The following FNBP1L variants were observed in gnomAD, a reference collection of about 807,000 sequenced individuals.
The protein encoded by FNBP1L is formin binding protein 1 like.
Under a neutral mutation model 91.2 loss-of-function variants are expected in FNBP1L, and 36 were observed. The observed-to-expected ratio is 0.39, with a 90% CI of 0.30 to 0.52. The LOEUF (loss-of-function observed/expected upper bound fraction) is 0.52. Among genes scored for constraint, FNBP1L ranks in the 20% least tolerant of loss-of-function variants. The probability of loss-of-function intolerance (pLI) is 0.66; values close to 1 mark genes in which losing one functional copy is unlikely to be tolerated. For synonymous variants in FNBP1L, 242 were observed against 237.0 expected (o/e 1.02, Z -0.19); for missense variants, 571 against 732.1 (o/e 0.78, Z 2.54).
At chr1:93,507,101 ACACACACTCTCTCT>A (rs1407003078) in intron 2 of FNBP1L, among the ~76,000 whole-genome samples, 203 of 56,538 alleles carry the variant, frequency 3.6e-3, no homozygotes, top group Admixed American at 0.016. Flanking sequence ...ACACACACAC[ACACACACTCTCTCT>A]CTCTCTCTCT....
chr1:93,550,292 TG>T (rs1330802824), intron 15 of FNBP1L, among the ~76,000 whole-genome samples: 1 of 152,184 alleles, frequency 6.6e-6, no homozygotes, highest in African/African-American at 2.4e-5. Flanking sequence ...GAATCCAACC[TG>T]GGCAGTAAGA....
Position 93,544,221 on chromosome 1 carries a change from T to C in FNBP1L, c.1274+5T>C. The C allele has an allele frequency of 1.9e-6, 3 of 1,590,474 alleles. No individual in the cohort carries two copies. Among genetic ancestry groups the C allele is most frequent in the Non-Finnish European group, 1.7e-6 (2 of 1,162,562 alleles). On this transcript the variant is annotated splice_donor_5th_base_variant and intron_variant, in intron 12 of 16. Coordinates refer to ENST00000271234, the MANE Select transcript of FNBP1L (RefSeq NM_001164473.3). ...ACAGAAAGAATCAGACCAAAAGTAT[T>C]ATTCCTTTAAGTTTTCTCTATCATT...
chr1:93,523,868 T>G (rs1490135211), intron 4 of FNBP1L, among the ~76,000 whole-genome samples: 1 of 152,218 alleles, frequency 6.6e-6, no homozygotes, highest in Non-Finnish European at 1.5e-5. Flanking sequence ...TTCATTGACT[T>G]TTATATTGCC....
At chr1:93,480,096 C>T (rs1444721061) in intron 1 of FNBP1L, among the ~76,000 whole-genome samples, 3 of 152,168 alleles carry the variant, frequency 2.0e-5, no homozygotes, top group African/African-American at 7.2e-5. Context: ...AATTTATGTT[C>T]CTCTGCCGCG....
intron 2 of FNBP1L, among the ~76,000 whole-genome samples, chr1:93,521,731 G>A (rs772752572): frequency 2.0e-5 from 3 of 152,050 alleles, no homozygotes; most frequent in Non-Finnish European, 2.9e-5. Flanking sequence ...TTGACCCGTC[G>A]TTGAATCTGT....
chr1:93,519,049 T>C (rs1242777166), intron 2 of FNBP1L, among the ~76,000 whole-genome samples: 1 of 152,208 alleles, frequency 6.6e-6, no homozygotes, highest in East Asian at 1.9e-4. Context: ...TTTCTGTCAG[T>C]CTAGTATCTG....
intron 9 of FNBP1L, 105 bp from the exon 10 acceptor site, chr1:93,536,227 T>C: frequency 1.4e-6 from 1 of 739,700 alleles, no homozygotes; most frequent in Non-Finnish European, 1.9e-6. Context: ...AAAACTTTAT[T>C]TGAGATATAT....
At chr1:93,508,685 T>C (rs1049359955) in intron 2 of FNBP1L, among the ~76,000 whole-genome samples, 1 of 152,222 alleles carries the variant, frequency 6.6e-6, no homozygotes, top group Non-Finnish European at 1.5e-5. Context: ...TCCCAGAAGC[T>C]AGAGTTCAAA....
intron 1 of FNBP1L, among the ~76,000 whole-genome samples, chr1:93,455,201 T>G (rs777682044): frequency 3.3e-5 from 5 of 152,204 alleles, no homozygotes; most frequent in Non-Finnish European, 5.9e-5. Context: ...GTGCTGGGAT[T>G]AGCGGCGTGA....
intron 1 of FNBP1L, among the ~76,000 whole-genome samples, chr1:93,460,324 G>A (rs1238178839): frequency 6.6e-6 from 1 of 152,192 alleles, no homozygotes; most frequent in African/African-American, 2.4e-5. Context: ...GCAGAGAGCA[G>A]CCTTCACCAG....
intron 1 of FNBP1L, among the ~76,000 whole-genome samples, chr1:93,455,669 G>GT (rs1668637748): frequency 6.6e-6 from 1 of 152,154 alleles, no homozygotes; most frequent in South Asian, 2.1e-4. Context: ...TTAATTCCTA[G>GT]TTTCATGAGC....
chr1:93,476,836 G>A (rs1669514250), intron 1 of FNBP1L, among the ~76,000 whole-genome samples: 2 of 152,154 alleles, frequency 1.3e-5, no homozygotes, highest in African/African-American at 4.8e-5. Flanking sequence ...AGAGAAAGAT[G>A]TGTTACTGAA....
Position 93,530,705 on chromosome 1 carries a change from A to T in FNBP1L, c.511-50A>T, listed in dbSNP as rs142044956. 336 of 1,558,906 alleles carry T rather than the reference A, an allele frequency of 2.2e-4. 1 individual carries two copies. In the African/African-American group the frequency reaches 3.9e-3, roughly 18 times the overall value. On this transcript the variant is annotated intron_variant, in intron 6 of 16. Coordinates refer to ENST00000271234, the MANE Select transcript of FNBP1L (RefSeq NM_001164473.3). ...TTTTAGTATAATTTTCAAAAAAGTG[A>T]ATTGCTGTGATTTTGTTGTTGATAA... is the stretch of plus-strand genomic sequence containing the variant.
At chr1:93,471,160 G>C (rs1442895673) in intron 1 of FNBP1L, among the ~76,000 whole-genome samples, 2 of 151,906 alleles carry the variant, frequency 1.3e-5, no homozygotes, top group Non-Finnish European at 2.9e-5. Flanking sequence ...GATTATTTTT[G>C]GATTTTTTGG....
chr1:93,488,174 C>A (rs1483242875), intron 1 of FNBP1L, among the ~76,000 whole-genome samples: 1 of 152,158 alleles, frequency 6.6e-6, no homozygotes, highest in Non-Finnish European at 1.5e-5. Flanking sequence ...CACTACCCTG[C>A]TGCTTTTACT....
intron 1 of FNBP1L, among the ~76,000 whole-genome samples, chr1:93,496,407 TATTA>T (rs934688444): frequency 2.6e-5 from 4 of 151,800 alleles, no homozygotes; most frequent in Admixed American, 2.0e-4. Context: ...ATTTATTTAT[TATTA>T]ATATTTATTT....
chr1:93,539,051 T>TA (rs1306630873), intron 10 of FNBP1L, among the ~76,000 whole-genome samples: 17 of 152,042 alleles, frequency 1.1e-4, no homozygotes, highest in Non-Finnish European at 2.2e-4. Flanking sequence ...CTTAACTACT[T>TA]AAAAACAAAC....
At chr1:93,484,765 T>C (rs1439685659) in intron 1 of FNBP1L, among the ~76,000 whole-genome samples, 1 of 152,200 alleles carries the variant, frequency 6.6e-6, no homozygotes, top group Non-Finnish European at 1.5e-5. Flanking sequence ...CTAGTTATGG[T>C]GTTAACCCTA....
intron 1 of FNBP1L, among the ~76,000 whole-genome samples, chr1:93,495,651 T>G (rs1670237169): frequency 6.6e-6 from 1 of 152,206 alleles, no homozygotes; most frequent in South Asian, 2.1e-4. Flanking sequence ...TTCAAATTTG[T>G]TGACATTTTT....
Sources: allele counts gnomAD v4.1 joint callset (sites outside exome capture counted in the v4.1 genomes callset), GRCh38; gene constraint gnomAD v4.1.1; transcripts MANE v1.5; gene names NCBI Gene and HGNC (gene_info 2026-07-23, HGNC 2026-07-21).